Variants in TACC2 observed in about 807,000 individuals in gnomAD.
TACC2 encodes transforming acidic coiled-coil-containing protein 2.
TACC2 carries 137 observed loss-of-function variants against 227.3 expected under a neutral mutation model. The ratio of observed to expected loss-of-function variants is 0.60; its 90% CI spans 0.52 to 0.69. The LOEUF (loss-of-function observed/expected upper bound fraction) is 0.69, where lower values mean the gene tolerates loss of function less well. Ranked by LOEUF, TACC2 falls within the 30% of genes least tolerant of loss-of-function variation. The pLI is 0.00. For missense variants in TACC2, 3,470 were observed against 3,694.4 expected (o/e 0.94, Z 1.57); for synonymous variants, 1,523 against 1,487.5 (o/e 1.02, Z -0.55).
intron 7 of TACC2, among the ~76,000 whole-genome samples, chr10:122,191,434 T>C (rs957230705): frequency 1.3e-5 from 2 of 152,192 alleles, no homozygotes; most frequent in African/African-American, 4.8e-5. Context: ...ATCTTTTGGC[T>C]TCCCTGGGCC....
chr10:122,102,671 G>T (rs2082306024), intron 5 of TACC2, among the ~76,000 whole-genome samples: 1 of 152,204 alleles, frequency 6.6e-6, no homozygotes, highest in Admixed American at 6.5e-5. Context: ...GCCCCTGGGA[G>T]AGCCTGGCCA....
intron 22 of TACC2, among the ~76,000 whole-genome samples, chr10:122,249,876 C>G (rs948628679): frequency 6.6e-6 from 1 of 152,242 alleles, no homozygotes; most frequent in Non-Finnish European, 1.5e-5. Context: ...GGAACTGCAG[C>G]CTGCATGTGT....
chr10:122,040,661 T>C (rs1372759996), intron 2 of TACC2, among the ~76,000 whole-genome samples: 1 of 138,530 alleles, frequency 7.2e-6, no homozygotes, highest in African/African-American at 2.8e-5. Flanking sequence ...TTCAATCCTA[T>C]TATTATAATG....
chr10:122,230,554 G>A lies in TACC2; in HGVS notation c.8127+114G>A, dbSNP rs2095717750. On this transcript the variant is annotated intron_variant, in intron 16 of 22. Transcript: ENST00000369005. ...GCGGGCATCATCGGTGTCCAGCAAA[G>A]AGTCGTTTCCAAAAAGCTGAAAGCG... The A allele has an allele frequency of 9.6e-6, 9 of 934,084 alleles. No individual in the cohort carries two copies. The South Asian group carries it at 1.3e-4, about 13-fold the overall frequency. The allele number at this position is 934,084 out of a possible 1,614,324, so 57.9% of individuals were successfully genotyped here. A position where few individuals can be genotyped will look rare whatever the true frequency, so the allele number is the denominator to read the frequency against.
Position 122,210,864 on chromosome 10 carries a change from AC to A in TACC2, c.6446del (p.Pro2149GlnfsTer2), listed in dbSNP as rs759725298. On this transcript the variant is annotated frameshift_variant, in exon 9 of 23. Coordinates refer to ENST00000369005, the MANE Select transcript of TACC2 (RefSeq NM_206862.4). LOFTEE classifies it high-confidence loss of function. The surrounding 1 kb of genome is among the most constrained non-coding windows in gnomAD (Gnocchi z 4.6). ...KKQTTKKPTETPPVKETQQEP... is the reference protein window; with the variant it reads ...KKQTTKKPTEXPPVKETQQEP... ...ACAGACCACCAAGAAACCCACAGAG[AC>A]CCCCCCAGTGAAGGAGACGCAACAG... The A allele has an allele frequency of 1.9e-6, 3 of 1,612,344 alleles. No homozygotes were observed. Among genetic ancestry groups the A allele is most frequent in the Non-Finnish European group, 8.5e-7 (1 of 1,179,644 alleles).
At chr10:121,996,756 G>C (rs540428741) in intron 1 of TACC2, among the ~76,000 whole-genome samples, 1 of 152,302 alleles carries the variant, frequency 6.6e-6, no homozygotes, top group African/African-American at 2.4e-5. Flanking sequence ...AAGATGTTAA[G>C]TGGACATTTC....
chr10:122,217,707 T>G (rs11598368), intron 11 of TACC2, among the ~76,000 whole-genome samples: 1 of 152,240 alleles, frequency 6.6e-6, no homozygotes, highest in African/African-American at 2.4e-5. Flanking sequence ...CCCAAAGTGC[T>G]GGGATTACAG....
chr10:122,067,413 T>G (rs1296748723), intron 3 of TACC2, among the ~76,000 whole-genome samples: 1 of 152,146 alleles, frequency 6.6e-6, no homozygotes, highest in Non-Finnish European at 1.5e-5. Context: ...GTTCTTTTTT[T>G]CTCTGGCTAC....
chr10:122,203,152 C>G (rs2094935836), intron 8 of TACC2, among the ~76,000 whole-genome samples: 1 of 152,264 alleles, frequency 6.6e-6, no homozygotes, highest in African/African-American at 2.4e-5. Context: ...GTCATCATGG[C>G]CCGTTCTCAA....
chr10:121,990,365 G>A (rs1056738321), intron 1 of TACC2, among the ~76,000 whole-genome samples: 16 of 152,030 alleles, frequency 1.1e-4, no homozygotes, highest in African/African-American at 1.4e-4. Flanking sequence ...TGATCCTCCT[G>A]CCTCAGCCTC....
chr10:122,199,969 C>T (rs2094723994), intron 8 of TACC2, among the ~76,000 whole-genome samples: 1 of 152,244 alleles, frequency 6.6e-6, no homozygotes, highest in Admixed American at 6.5e-5. Context: ...AAAGGCCCCA[C>T]CTCCTGATAC....
intron 7 of TACC2, among the ~76,000 whole-genome samples, chr10:122,144,378 CAAGT>C (rs1446684332): frequency 2.0e-5 from 3 of 152,188 alleles, no homozygotes; most frequent in Non-Finnish European, 4.4e-5. Flanking sequence ...ATGATTAGAG[CAAGT>C]ATTTGGAACT....
chr10:122,122,118 G>A (rs1289672470), intron 5 of TACC2, among the ~76,000 whole-genome samples: 1 of 152,234 alleles, frequency 6.6e-6, no homozygotes, highest in Non-Finnish European at 1.5e-5. Context: ...CACTCTGGGA[G>A]GCCGAGGCGG....
At chr10:122,200,655 T>A (rs1307251120) in intron 8 of TACC2, among the ~76,000 whole-genome samples, 1 of 126,344 alleles carries the variant, frequency 7.9e-6, no homozygotes, top group African/African-American at 3.3e-5. Flanking sequence ...TGGCCACATT[T>A]ACAGTGAGAG....
chr10:122,245,678 C>T (rs1441328096), intron 19 of TACC2, among the ~76,000 whole-genome samples: 3 of 152,172 alleles, frequency 2.0e-5, no homozygotes, highest in Non-Finnish European at 2.9e-5. Flanking sequence ...GCCACTGTGA[C>T]ACTGTTGCTC....
At chr10:122,248,533 G>C (rs1298062263) in intron 19 of TACC2, 110 bp from the exon 20 acceptor site, 2 of 1,289,832 alleles carry the variant, frequency 1.6e-6, no homozygotes, top group African/African-American at 2.9e-5. Flanking sequence ...GCTGGGGTTT[G>C]AGATGCCCCC....
At position 122,126,316 on chromosome 10, in the gene TACC2, C is replaced by CTGTGTGTG. The variant is rs3037067; in HGVS notation, c.5574-6269_5574-6262dup. ...TTATTCCATGGGTTATAATCCAGAA[C>CTGTGTGTG]TGTGTGTGTGTGTGTGTGTGTGTGT... On this transcript the variant is annotated intron_variant, in intron 5 of 22. Coordinates refer to ENST00000369005, the MANE Select transcript of TACC2 (RefSeq NM_206862.4). Among the ~76,000 whole-genome samples the CTGTGTGTG allele has an allele frequency of 5.6e-3, 789 of 142,120 alleles. 4 individuals carry two copies. Among genetic ancestry groups the CTGTGTGTG allele is most frequent in the African/African-American group, 0.015 (587 of 40,176 alleles). 93.2% of individuals were successfully genotyped at this position (142,120 alleles called of 152,430 possible).
chr10:122,190,195 TGTC>T (rs2094358292), intron 7 of TACC2, among the ~76,000 whole-genome samples: 1 of 152,228 alleles, frequency 6.6e-6, no homozygotes, highest in South Asian at 2.1e-4. Context: ...ACTATTTTGT[TGTC>T]GTAGTTCATA....
Position 122,017,816 on chromosome 10 carries a change from C to T in TACC2, c.-45-4121C>T, listed in dbSNP as rs1162459386. Among the ~76,000 whole-genome samples, 5 of 42,100 alleles carry T rather than the reference C, an allele frequency of 1.2e-4. 1 individual carries two copies. The highest frequency in any genetic ancestry group is 2.6e-4 in the African/African-American group (2 of 7,658). The allele number at this position is 42,100 out of a possible 152,430, so 27.6% of individuals were successfully genotyped here. A position where few individuals can be genotyped will look rare whatever the true frequency, so the allele number is the denominator to read the frequency against. On this transcript the variant is annotated intron_variant, in intron 1 of 22. Coordinates refer to ENST00000369005, the MANE Select transcript of TACC2 (RefSeq NM_206862.4). Reference sequence around the variant, plus strand: ...AGCCTGAGTGACAGAGTGAAACTGTCTCAAAAAAAAAAAAAAAAAAAAGAC... The same window carrying T: ...AGCCTGAGTGACAGAGTGAAACTGTTTCAAAAAAAAAAAAAAAAAAAAGAC...
Sources: gnomAD v4.1 joint callset for allele counts (sites outside exome capture counted in the v4.1 genomes callset) on GRCh38, gnomAD v4.1.1 for gene constraint, Gnocchi (gnomAD v3.1) non-coding constraint, MANE v1.5 for transcripts, NCBI Gene and HGNC (gene_info 2026-07-23, HGNC 2026-07-21) for gene names.